The following RNF4 variants were observed in gnomAD, a reference collection of about 807,000 sequenced individuals.
RNF4 encodes the protein ring finger protein 4.
A neutral mutation model predicts 24.3 loss-of-function variants in RNF4; 7 were observed. That is an observed-to-expected ratio of 0.29 (90% CI 0.16 to 0.54). The LOEUF (loss-of-function observed/expected upper bound fraction) is 0.54, where lower values mean the gene tolerates loss of function less well. Ranked by LOEUF, RNF4 falls within the 20% of genes least tolerant of loss-of-function variation. The pLI is 0.95. For missense variants in RNF4, 209 were observed against 248.5 expected (o/e 0.84, Z 1.07); for synonymous variants, 83 against 84.3 (o/e 0.98, Z 0.09).
intron 2 of RNF4, among the ~76,000 whole-genome samples, 178 bp from the exon 3 acceptor site, chr4:2,496,829 G>T (rs560489449): frequency 1.3e-5 from 2 of 152,232 alleles, no homozygotes; most frequent in East Asian, 3.9e-4. Flanking sequence ...GTTTTGGATG[G>T]TTTCTCTCTC....
chr4:2,513,055 AAACT>A (rs1321345827), intron 6 of RNF4, 24 bp from the exon 7 acceptor site: 1 of 1,611,536 alleles, frequency 6.2e-7, no homozygotes, highest in Non-Finnish European at 8.5e-7. Context: ...GTTGACTGAG[AAACT>A]AACGTGAAGC....
intron 3 of RNF4, chr4:2,499,280 T>TTTG (rs774440232): frequency 3.3e-5 from 15 of 451,712 alleles, no homozygotes; most frequent in South Asian, 1.2e-4. Flanking sequence ...CATTTAGTGT[T>TTTG]TTGTTGTTGT....
At position 2,512,381 on chromosome 4, in the gene RNF4, G is replaced by C; in HGVS notation, c.215-57G>C. 1 of 1,554,174 alleles carries C rather than the reference G, an allele frequency of 6.4e-7. No homozygotes were observed. The highest frequency in any genetic ancestry group is 8.7e-7 in the Non-Finnish European group (1 of 1,146,204). ...TCTTAAGAGGCGTCAGGATGGGAGTGGTGAGGATGGTAAGAGTAGAGAGCC... is the reference window on the plus strand; with the variant it reads ...TCTTAAGAGGCGTCAGGATGGGAGTCGTGAGGATGGTAAGAGTAGAGAGCC... On this transcript the variant is annotated intron_variant, in intron 5 of 7. Transcript: ENST00000314289. The surrounding 1 kb of genome is among the most constrained non-coding windows in gnomAD (Gnocchi z 4.1).
chr4:2,475,242 T>G lies in RNF4; in HGVS notation c.-158+5984T>G. Among the ~76,000 whole-genome samples the G allele has an allele frequency of 1.3e-5, 2 of 152,236 alleles. 1 individual carries two copies. Among genetic ancestry groups the G allele is most frequent in the Non-Finnish European group, 2.9e-5 (2 of 68,042 alleles). ...GTGCATTGGTGCGATCGTAACTCAC[T>G]GCAGCTTCCAACTTCTGGGTTCAAG... On this transcript the variant is annotated intron_variant, in intron 1 of 7. Transcript: ENST00000314289.
chr4:2,483,449 A>ATTTCT lies in RNF4; in HGVS notation c.-157-6886_-157-6882dup, dbSNP rs1735301632. Among the ~76,000 whole-genome samples the ATTTCT allele has an allele frequency of 6.6e-5, 10 of 152,294 alleles. No individual in the cohort carries two copies. The South Asian group carries it at 2.1e-3, about 32-fold the overall frequency. ...TTTGTATAATGAGCAAGAGGCTCAT[A>ATTTCT]TTTCTTCTGAGTATTAAGGTGTGGT... On this transcript the variant is annotated intron_variant, in intron 1 of 7. Coordinates refer to ENST00000314289, the MANE Select transcript of RNF4 (RefSeq NM_002938.5).
intron 1 of RNF4, among the ~76,000 whole-genome samples, chr4:2,484,449 G>A (rs947511803): frequency 6.6e-5 from 10 of 152,048 alleles, no homozygotes; most frequent in African/African-American, 2.4e-4. Flanking sequence ...GTATGATAGA[G>A]ACACATGCAC....
chr4:2,484,095 C>T (rs1160225491), intron 1 of RNF4, among the ~76,000 whole-genome samples: 3 of 133,582 alleles, frequency 2.2e-5, no homozygotes, highest in Non-Finnish European at 4.8e-5. Flanking sequence ...TCCCAAAGTG[C>T]TGGGATTACA....
chr4:2,485,752 A>G (rs184674577), intron 1 of RNF4, among the ~76,000 whole-genome samples: 5 of 152,242 alleles, frequency 3.3e-5, no homozygotes, highest in Admixed American at 2.6e-4. Context: ...TATTCCTTCA[A>G]TAAATATGAG....
chr4:2,495,426 G>A (rs144932801), intron 2 of RNF4, among the ~76,000 whole-genome samples: 5 of 152,246 alleles, frequency 3.3e-5, no homozygotes, highest in East Asian at 1.9e-4. Flanking sequence ...AGCATCTTCC[G>A]TCTCTGCGCA....
chr4:2,500,650 CT>C lies in RNF4; in HGVS notation c.125-5del, dbSNP rs1560410170. The C allele has an allele frequency of 6.2e-7, 1 of 1,613,298 alleles. No homozygotes were observed. The highest frequency in any genetic ancestry group is 8.5e-7 in the Non-Finnish European group (1 of 1,179,550). On this transcript the variant is annotated splice_region_variant and splice_polypyrimidine_tract_variant and intron_variant, in intron 3 of 7. Transcript: ENST00000314289. The stretch of plus-strand genomic sequence containing the variant: ...ATCTTAATGCTTGTTGAAATACTTT[CT>C]TTTGAAGCTGGAGATGAAATTGTGG...
At chr4:2,507,690 T>C (rs560142560) in intron 4 of RNF4, among the ~76,000 whole-genome samples, 1 of 152,266 alleles carries the variant, frequency 6.6e-6, no homozygotes, top group African/African-American at 2.4e-5. Flanking sequence ...GTTCTGAGGC[T>C]CACCTGTGCT....
intron 4 of RNF4, chr4:2,505,786 T>G (rs1736083573): frequency 7.8e-6 from 1 of 128,482 alleles, no homozygotes; most frequent in Non-Finnish European, 1.6e-5. Flanking sequence ...CAGGCTAGAA[T>G]GCAGTAGCGT....
chr4:2,500,993 G>A (rs1246537923), intron 4 of RNF4, among the ~76,000 whole-genome samples: 1 of 152,228 alleles, frequency 6.6e-6, no homozygotes, highest in Admixed American at 6.5e-5. Flanking sequence ...TAGCCTTGTC[G>A]CCTATGGAGT....
chr4:2,478,426 C>T (rs1475017908), intron 1 of RNF4, among the ~76,000 whole-genome samples: 1 of 152,352 alleles, frequency 6.6e-6, no homozygotes, highest in Non-Finnish European at 1.5e-5. Context: ...CACAGGCCTT[C>T]ATGGCAGCCC....
intron 4 of RNF4, chr4:2,505,420 G>A (rs1385877271): frequency 6.6e-6 from 1 of 151,560 alleles, no homozygotes; most frequent in Non-Finnish European, 1.5e-5. Flanking sequence ...CCGCCTCCTG[G>A]GTTCACACCA....
Position 2,501,403 on chromosome 4 carries a change from G to A in RNF4, c.204+665G>A, listed in dbSNP as rs547209678. Reference sequence around the variant, plus strand: ...TGCATTGCCACCTGATGCCTGCTGCGTCCTGATGCCAGGGAGGCTGGAGCC... The same window carrying A: ...TGCATTGCCACCTGATGCCTGCTGCATCCTGATGCCAGGGAGGCTGGAGCC... On this transcript the variant is annotated intron_variant, in intron 4 of 7. Coordinates refer to ENST00000314289, the MANE Select transcript of RNF4 (RefSeq NM_002938.5). Among the ~76,000 whole-genome samples the A allele has an allele frequency of 9.3e-5, 14 of 150,774 alleles. No homozygotes were observed. The East Asian group carries it at 2.1e-3, about 23-fold the overall frequency.
chr4:2,512,733 T>C lies in RNF4; in HGVS notation c.374+136T>C. The C allele has an allele frequency of 9.7e-7, 1 of 1,031,522 alleles. No individual in the cohort carries two copies. Among genetic ancestry groups the C allele is most frequent in the Non-Finnish European group, 1.4e-6 (1 of 721,590 alleles). The allele number at this position is 1,031,522 out of a possible 1,614,324, so 63.9% of individuals were successfully genotyped here. On this transcript the variant is annotated intron_variant, in intron 6 of 7. Coordinates refer to ENST00000314289, the MANE Select transcript of RNF4 (RefSeq NM_002938.5). The surrounding 1 kb of genome is among the most constrained non-coding windows in gnomAD (Gnocchi z 4.1). ...GCCTCTACCCAGCATCTGGATACAG[T>C]TGGAACTGGGTCCAGAACTGAGTCC...
chr4:2,471,828 C>A (rs188068278), intron 1 of RNF4, among the ~76,000 whole-genome samples: 20 of 152,238 alleles, frequency 1.3e-4, no homozygotes, highest in Non-Finnish European at 2.5e-4. Context: ...GAGGAAGCTG[C>A]AGAAGAAAAG....
At chr4:2,497,181 C>G (rs932522245) in intron 3 of RNF4, 60 bp downstream of exon 3, 1 of 1,308,692 alleles carries the variant, frequency 7.6e-7, no homozygotes, top group South Asian at 1.3e-5. Context: ...AACACTGTAC[C>G]AGGGTGAGCT....
Sources: allele counts gnomAD v4.1 joint callset (sites outside exome capture counted in the v4.1 genomes callset), GRCh38; gene constraint gnomAD v4.1.1; non-coding constraint Gnocchi (gnomAD v3.1); transcripts MANE v1.5; gene names NCBI Gene and HGNC (gene_info 2026-07-23, HGNC 2026-07-21).